The following RAPGEF4 variants were observed in gnomAD, a reference collection of about 807,000 sequenced individuals.
RAPGEF4 encodes the protein Rap guanine nucleotide exchange factor 4, also known as RAP guanine-nucleotide-exchange factor (GEF) 4.
Under a neutral mutation model 147.9 loss-of-function variants are expected in RAPGEF4, and 66 were observed. The observed-to-expected ratio is 0.45, with a 90% CI of 0.37 to 0.55. The LOEUF (loss-of-function observed/expected upper bound fraction) is 0.55, where lower values mean the gene tolerates loss of function less well. Ranked by LOEUF, RAPGEF4 falls within the 20% of genes least tolerant of loss-of-function variation. The pLI is 0.00. For synonymous variants in RAPGEF4, 419 were observed against 442.7 expected (o/e 0.95, Z 0.67); for missense variants, 1,071 against 1,257.3 (o/e 0.85, Z 2.24).
intron 4 of RAPGEF4, among the ~76,000 whole-genome samples, chr2:172,884,723 T>C (rs1696990909): frequency 6.6e-6 from 1 of 152,204 alleles, no homozygotes; most frequent in South Asian, 2.1e-4. Context: ...GCCCATGCTG[T>C]TTAAATTGTG....
intron 10 of RAPGEF4, among the ~76,000 whole-genome samples, chr2:172,976,293 C>T (rs1691059401): frequency 6.6e-6 from 1 of 152,130 alleles, no homozygotes; most frequent in South Asian, 2.1e-4. Context: ...TGGAATGTCT[C>T]TGACACTTAA....
At chr2:172,876,771 GT>G (rs1198489279) in intron 4 of RAPGEF4, among the ~76,000 whole-genome samples, 2 of 152,340 alleles carry the variant, frequency 1.3e-5, no homozygotes, top group African/African-American at 2.4e-5. Flanking sequence ...CATAAAATGA[GT>G]TAGGGAAGAT....
chr2:172,928,806 G>A (rs771285502), intron 6 of RAPGEF4, among the ~76,000 whole-genome samples: 1 of 152,122 alleles, frequency 6.6e-6, no homozygotes, highest in African/African-American at 2.4e-5. Flanking sequence ...CCTGTGTAAT[G>A]TTCGATAGTT....
At chr2:172,929,420 G>A (rs1685695263) in intron 6 of RAPGEF4, among the ~76,000 whole-genome samples, 1 of 152,024 alleles carries the variant, frequency 6.6e-6, no homozygotes, top group African/African-American at 2.4e-5. Context: ...AATATATATA[G>A]ACACATACAT....
At chr2:172,765,742 G>A (rs540394991) in intron 1 of RAPGEF4, among the ~76,000 whole-genome samples, 2 of 152,354 alleles carry the variant, frequency 1.3e-5, no homozygotes, top group African/African-American at 4.8e-5. Context: ...CAGAGAACAT[G>A]GAGATACTCA....
intron 25 of RAPGEF4, among the ~76,000 whole-genome samples, chr2:173,028,514 G>A (rs1203127872): frequency 2.0e-5 from 3 of 152,204 alleles, no homozygotes; most frequent in African/African-American, 7.2e-5. Context: ...TTATTTTACA[G>A]AGGCAACATG....
At chr2:173,034,118 C>T (rs1683594307) in intron 27 of RAPGEF4, among the ~76,000 whole-genome samples, 154 bp downstream of exon 27, 2 of 152,204 alleles carry the variant, frequency 1.3e-5, no homozygotes, top group African/African-American at 4.8e-5. Flanking sequence ...ACAAGCATGT[C>T]TGACTAATGA....
intron 4 of RAPGEF4, among the ~76,000 whole-genome samples, chr2:172,904,926 A>G (rs993991877): frequency 6.6e-6 from 1 of 151,986 alleles, no homozygotes; most frequent in Admixed American, 6.6e-5. Flanking sequence ...TTCCTGTCAC[A>G]TGAGGATGAT....
chr2:172,986,115 ACTC>A (rs1199862386), intron 12 of RAPGEF4, among the ~76,000 whole-genome samples: 1 of 152,144 alleles, frequency 6.6e-6, no homozygotes, highest in Admixed American at 6.6e-5. Context: ...ATTCCTTACT[ACTC>A]CTACAAAAAT....
chr2:172,825,838 T>G (rs1289267471), intron 4 of RAPGEF4, among the ~76,000 whole-genome samples: 3 of 152,232 alleles, frequency 2.0e-5, no homozygotes, highest in Admixed American at 2.0e-4. Flanking sequence ...AATAACATGA[T>G]GTAAGTAATA....
chr2:173,029,133 C>A (rs1696939703), intron 25 of RAPGEF4, among the ~76,000 whole-genome samples: 1 of 152,246 alleles, frequency 6.6e-6, no homozygotes. Context: ...CCAAAGGCCT[C>A]ACTTGCTTTC....
intron 4 of RAPGEF4, among the ~76,000 whole-genome samples, chr2:172,861,794 T>C (rs990259941): frequency 6.6e-6 from 1 of 152,222 alleles, no homozygotes; most frequent in African/African-American, 2.4e-5. Flanking sequence ...GAAGCTGTGC[T>C]GAATAGTTGA....
At chr2:173,032,416 AT>A (rs950188452) in intron 26 of RAPGEF4, among the ~76,000 whole-genome samples, 2 of 152,294 alleles carry the variant, frequency 1.3e-5, no homozygotes, top group African/African-American at 4.8e-5. Context: ...TGAAAGAAAC[AT>A]TTTTTATTAC....
At chr2:172,737,117 C>A (rs1693858802) in intron 1 of RAPGEF4, among the ~76,000 whole-genome samples, 1 of 152,174 alleles carries the variant, frequency 6.6e-6, no homozygotes, top group African/African-American at 2.4e-5. Flanking sequence ...TTGAGAAAAG[C>A]TAAATGTAGC....
At chr2:173,005,520 G>GGTTTTTT (rs1553546840) in intron 17 of RAPGEF4, among the ~76,000 whole-genome samples, 1 of 86,736 alleles carries the variant, frequency 1.2e-5, no homozygotes, top group Non-Finnish European at 2.1e-5. Flanking sequence ...GTTGTTTTGT[G>GGTTTTTT]TTTTTTTTTT....
intron 6 of RAPGEF4, among the ~76,000 whole-genome samples, chr2:172,931,172 T>TTGG (rs112366465): frequency 4.7e-4 from 3 of 6,376 alleles, no homozygotes; most frequent in East Asian, 7.7e-3. Flanking sequence ...CAGGCCGGGG[T>TTGG]GGGGGGGGGG....
At chr2:172,767,693 G>T (rs1330842318) in intron 1 of RAPGEF4, among the ~76,000 whole-genome samples, 1 of 152,118 alleles carries the variant, frequency 6.6e-6, no homozygotes, top group Non-Finnish European at 1.5e-5. Context: ...TAGAAATAAG[G>T]ATCCATATGC....
At chr2:173,035,436 G>C (rs572899673) in intron 27 of RAPGEF4, among the ~76,000 whole-genome samples, 2 of 151,524 alleles carry the variant, frequency 1.3e-5, no homozygotes, top group Non-Finnish European at 2.9e-5. Flanking sequence ...GCGTGAACTC[G>C]GGAGGCAGAG....
At chr2:172,932,974 TTAAAG>T (rs1272661578) in intron 6 of RAPGEF4, among the ~76,000 whole-genome samples, 1 of 152,186 alleles carries the variant, frequency 6.6e-6, no homozygotes, top group African/African-American at 2.4e-5. Flanking sequence ...ATATTAAACA[TTAAAG>T]TAAATTACTA....
Sources: gnomAD v4.1 joint callset for allele counts (sites outside exome capture counted in the v4.1 genomes callset) on GRCh38, gnomAD v4.1.1 for gene constraint, MANE v1.5 for transcripts, NCBI Gene and HGNC (gene_info 2026-07-23, HGNC 2026-07-21) for gene names.